Variants in BMPR2 observed in about 807,000 individuals in gnomAD.
BMPR2 encodes the protein bone morphogenetic protein receptor type-2.
A neutral mutation model predicts 100.8 loss-of-function variants in BMPR2; 29 were observed. The ratio of observed to expected loss-of-function variants is 0.29; its 90% CI spans 0.21 to 0.39. The LOEUF (loss-of-function observed/expected upper bound fraction) is 0.39, where lower values mean the gene tolerates loss of function less well. BMPR2 is among the 10% of genes least tolerant of loss of function. BMPR2 has a pLI of 1.00. For synonymous variants in BMPR2, 382 were observed against 442.3 expected, an observed-to-expected ratio of 0.86 and a Z score of 1.71; for missense variants, 1,011 against 1,274.5, an observed-to-expected ratio of 0.79 and a Z score of 3.15.
intron 1 of BMPR2, among the ~76,000 whole-genome samples, chr2:202,437,407 T>G (rs1324148439): frequency 1.3e-5 from 2 of 150,846 alleles, no homozygotes; most frequent in African/African-American, 5.0e-5. Flanking sequence ...TTATGTTATT[T>G]TATAAAATTG....
intron 1 of BMPR2, among the ~76,000 whole-genome samples, chr2:202,458,610 T>C (rs536552342): frequency 1.4e-4 from 22 of 152,320 alleles, no homozygotes; most frequent in African/African-American, 5.3e-4. Flanking sequence ...GTTTAACAGA[T>C]CTTTAGAATA....
At chr2:202,422,470 C>T (rs1342725013) in intron 1 of BMPR2, among the ~76,000 whole-genome samples, 1 of 150,474 alleles carries the variant, frequency 6.6e-6, no homozygotes, top group Non-Finnish European at 1.5e-5. Context: ...CCATGCCCGG[C>T]TAATTTTTTA....
chr2:202,450,732 G>GA (rs1255984610), intron 1 of BMPR2, among the ~76,000 whole-genome samples: 1 of 151,508 alleles, frequency 6.6e-6, no homozygotes, highest in African/African-American at 2.4e-5. Flanking sequence ...ATAAGATTGG[G>GA]AAAATAGAGG....
intron 12 of BMPR2, among the ~76,000 whole-genome samples, chr2:202,556,956 A>C (rs1688585356): frequency 6.6e-6 from 1 of 151,000 alleles, no homozygotes; most frequent in Non-Finnish European, 1.5e-5. Context: ...GGTGGCGTGC[A>C]CCTGTAATCC....
chr2:202,438,122 T>G (rs1691653624), intron 1 of BMPR2, among the ~76,000 whole-genome samples: 1 of 149,928 alleles, frequency 6.7e-6, no homozygotes, highest in South Asian at 2.1e-4. Context: ...GAGACCACCC[T>G]GACCAACATG....
intron 1 of BMPR2, among the ~76,000 whole-genome samples, chr2:202,462,010 T>TC (rs1252441577): frequency 6.6e-6 from 1 of 152,174 alleles, no homozygotes; most frequent in East Asian, 1.9e-4. Flanking sequence ...CTTTGTTGTT[T>TC]CCCGTATGTG....
At chr2:202,380,370 T>C (rs1274217433) in intron 1 of BMPR2, among the ~76,000 whole-genome samples, 1 of 152,170 alleles carries the variant, frequency 6.6e-6, no homozygotes, top group Non-Finnish European at 1.5e-5. Context: ...ACACACACAT[T>C]ATATAAAGTA....
At chr2:202,436,691 C>T (rs1338926963) in intron 1 of BMPR2, among the ~76,000 whole-genome samples, 2 of 150,420 alleles carry the variant, frequency 1.3e-5, no homozygotes. Context: ...AATTTGACTT[C>T]TAGTTCTTTC....
At chr2:202,448,412 A>G (rs1452138125) in intron 1 of BMPR2, among the ~76,000 whole-genome samples, 2 of 149,310 alleles carry the variant, frequency 1.3e-5, no homozygotes, top group Non-Finnish European at 3.0e-5. Flanking sequence ...GTGCCACTGC[A>G]CTCCAGCCTG....
chr2:202,457,164 T>C (rs1440686353), intron 1 of BMPR2, among the ~76,000 whole-genome samples: 1 of 152,128 alleles, frequency 6.6e-6, no homozygotes, highest in Non-Finnish European at 1.5e-5. Context: ...TGTCTCTCTA[T>C]TGAGAGACAC....
At chr2:202,540,378 A>T (rs540446624) in intron 9 of BMPR2, among the ~76,000 whole-genome samples, 1 of 152,200 alleles carries the variant, frequency 6.6e-6, no homozygotes, top group Non-Finnish European at 1.5e-5. Context: ...TTCAAGGAAG[A>T]AAGTGATATA....
At chr2:202,379,998 C>T (rs1265768939) in intron 1 of BMPR2, among the ~76,000 whole-genome samples, 3 of 152,056 alleles carry the variant, frequency 2.0e-5, no homozygotes, top group Non-Finnish European at 2.9e-5. Context: ...GCTGAGATTA[C>T]GGGAGCCCAC....
At chr2:202,548,249 T>C (rs1224571710) in intron 10 of BMPR2, among the ~76,000 whole-genome samples, 2 of 152,208 alleles carry the variant, frequency 1.3e-5, no homozygotes, top group African/African-American at 4.8e-5. Flanking sequence ...GATCTAGAAT[T>C]CAACATTTTA....
In BMPR2 at chr2:202,436,029, T is replaced by G. The variant is rs904653305; in HGVS notation, c.77-28780T>G. Among the ~76,000 whole-genome samples the G allele has an allele frequency of 2.7e-5, 4 of 150,826 alleles. 1 individual carries two copies. Among genetic ancestry groups the G allele is most frequent in the African/African-American group, 1.0e-4 (4 of 40,114 alleles). On this transcript the variant is annotated intron_variant, in intron 1 of 12. Coordinates refer to ENST00000374580, the MANE Select transcript of BMPR2 (RefSeq NM_001204.7). The stretch of plus-strand genomic sequence containing the variant: ...CCATGAAATTTTTATTTTAGTTTTA[T>G]GTTTACCTTTGCATTTGGTCATGAT...
In BMPR2 at chr2:202,556,364, C is replaced by T. The variant is rs1421885926; in HGVS notation, c.2699C>T (p.Thr900Ile). 1 of 1,614,180 alleles carries T rather than the reference C, an allele frequency of 6.2e-7. No homozygotes were observed. The highest frequency in any genetic ancestry group is 1.7e-5 in the Admixed American group (1 of 60,026). The change falls in exon 12 of 13, where the codon ACT becomes ATT. Residue 900 changes from threonine (T) to isoleucine (I), a missense_variant. Thr to Ile is a moderately conservative substitution (Grantham distance 89, BLOSUM62 -1). Transcript: ENST00000374580. ...RRERPLEGGR[T>I]NSNNNNSNPC... ...GAACGGCCACTAGAAGGTGGCCGAA[C>T]TAATTCCAATAACAACAACAGCAAT...
At chr2:202,441,249 A>G (rs921866920) in intron 1 of BMPR2, among the ~76,000 whole-genome samples, 2 of 150,194 alleles carry the variant, frequency 1.3e-5, no homozygotes, top group African/African-American at 5.0e-5. Flanking sequence ...CCAAAGTGCT[A>G]GGATTAAGAA....
chr2:202,393,884 A>C (rs916553906), intron 1 of BMPR2, among the ~76,000 whole-genome samples: 3 of 27,442 alleles, frequency 1.1e-4, no homozygotes, highest in African/African-American at 5.5e-4. Context: ...TGAGAGAGCG[A>C]GAGAGAGAGA....
At chr2:202,453,060 T>C (rs1014326602) in intron 1 of BMPR2, among the ~76,000 whole-genome samples, 4 of 152,004 alleles carry the variant, frequency 2.6e-5, no homozygotes, top group African/African-American at 9.7e-5. Flanking sequence ...GGATTTGGAG[T>C]TTCTAGATTA....
At chr2:202,553,694 T>G (rs1256488003) in intron 11 of BMPR2, among the ~76,000 whole-genome samples, 2 of 152,122 alleles carry the variant, frequency 1.3e-5, no homozygotes, top group Non-Finnish European at 2.9e-5. Context: ...TTTTTTTTGT[T>G]TGTTTGTTTT....
Sources: allele counts gnomAD v4.1 joint callset (sites outside exome capture counted in the v4.1 genomes callset), GRCh38; gene constraint gnomAD v4.1.1; transcripts MANE v1.5; gene names NCBI Gene and HGNC (gene_info 2026-07-23, HGNC 2026-07-21).